HOMER1: variants seen among roughly 807,000 people sequenced by gnomAD.
The protein encoded by HOMER1 is homer scaffold protein 1.
A neutral mutation model predicts 48.9 loss-of-function variants in HOMER1; 3 were observed. That is an observed-to-expected ratio of 0.06 (90% CI 0.03 to 0.16). The LOEUF (loss-of-function observed/expected upper bound fraction) is 0.16. Ranked by LOEUF, HOMER1 falls within the 10% of genes least tolerant of loss-of-function variation. The pLI is 1.00. For synonymous variants in HOMER1, 134 were observed against 146.4 expected (o/e 0.92, Z 0.61); for missense variants, 247 against 411.4 (o/e 0.60, Z 3.46).
intron 8 of HOMER1, among the ~76,000 whole-genome samples, chr5:79,389,717 A>T (rs954032225): frequency 1.3e-5 from 2 of 152,228 alleles, no homozygotes; most frequent in Non-Finnish European, 2.9e-5. Flanking sequence ...TCCAGCTGCC[A>T]GAAGTGTGAG....
At chr5:79,485,670 A>C (rs536853196) in intron 1 of HOMER1, among the ~76,000 whole-genome samples, 1 of 152,326 alleles carries the variant, frequency 6.6e-6, no homozygotes, top group Admixed American at 6.5e-5. Context: ...TACCAAGGAA[A>C]ATGAAGAGCT....
chr5:79,500,637 T>TC (rs1185774849), intron 1 of HOMER1, among the ~76,000 whole-genome samples: 1 of 151,908 alleles, frequency 6.6e-6, no homozygotes, highest in East Asian at 1.9e-4. Flanking sequence ...TTTTATCTTT[T>TC]TTTTTTTCTG....
intron 1 of HOMER1, among the ~76,000 whole-genome samples, chr5:79,463,566 A>C (rs1751375948): frequency 6.6e-6 from 1 of 152,238 alleles, no homozygotes; most frequent in South Asian, 2.1e-4. Flanking sequence ...TAATTGTTTC[A>C]AACAGTTGTC....
chr5:79,512,885 G>A lies in HOMER1; in HGVS notation c.-111C>T. The A allele has an allele frequency of 1.0e-6, 1 of 957,262 alleles. No individual in the cohort carries two copies. The highest frequency in any genetic ancestry group is 1.8e-5 in the Admixed American group (1 of 54,582). 59.3% of individuals were successfully genotyped at this position (957,262 alleles called of 1,614,324 possible). A position where few individuals can be genotyped will look rare whatever the true frequency, so the allele number is the denominator to read the frequency against. Reference sequence around the variant, plus strand: ...AGTTGCTTTTCCACCCCCACCCCCAGATCCTTGTCCGGAGGTATTTCAAGG... The same window carrying A: ...AGTTGCTTTTCCACCCCCACCCCCAAATCCTTGTCCGGAGGTATTTCAAGG... On this transcript the variant is annotated 5_prime_UTR_variant, in exon 1 of 9. Transcript: ENST00000334082.
intron 1 of HOMER1, among the ~76,000 whole-genome samples, chr5:79,495,415 T>C (rs1752393902): frequency 6.6e-6 from 1 of 152,218 alleles, no homozygotes; most frequent in South Asian, 2.1e-4. Flanking sequence ...TATGTGAAGC[T>C]TTCTCTGACC....
intron 1 of HOMER1, among the ~76,000 whole-genome samples, chr5:79,474,415 TTTC>T (rs1751704357): frequency 6.6e-6 from 1 of 152,084 alleles, no homozygotes; most frequent in South Asian, 2.1e-4. Context: ...AGACAGCAAA[TTTC>T]TGATTATCTC....
chr5:79,491,728 G>A (rs1580027492), intron 1 of HOMER1, among the ~76,000 whole-genome samples: 1 of 152,276 alleles, frequency 6.6e-6, no homozygotes, highest in African/African-American at 2.4e-5. Context: ...AAAGTAAAAT[G>A]TAGCAAAAAA....
chr5:79,443,515 T>C (rs983665134), intron 4 of HOMER1, among the ~76,000 whole-genome samples: 11 of 152,168 alleles, frequency 7.2e-5, no homozygotes, highest in African/African-American at 2.7e-4. Context: ...ACATATTGTA[T>C]AAATATACAA....
At chr5:79,477,102 A>G (rs948477556) in intron 1 of HOMER1, among the ~76,000 whole-genome samples, 1 of 152,184 alleles carries the variant, frequency 6.6e-6, no homozygotes, top group Non-Finnish European at 1.5e-5. Context: ...CCCCAACATT[A>G]TAACATTATA....
chr5:79,410,617 C>T (rs1211795636), intron 5 of HOMER1, among the ~76,000 whole-genome samples: 1 of 151,800 alleles, frequency 6.6e-6, no homozygotes, highest in African/African-American at 2.4e-5. Context: ...AATAAATGCT[C>T]CTATTAGAAT....
At chr5:79,383,705 ATTC>A (rs962668411) in intron 8 of HOMER1, among the ~76,000 whole-genome samples, 12 of 152,172 alleles carry the variant, frequency 7.9e-5, no homozygotes, top group Admixed American at 7.2e-4. Context: ...TTATACAACA[ATTC>A]TTCTCATTAC....
chr5:79,476,259 G>A (rs1267153400), intron 1 of HOMER1, among the ~76,000 whole-genome samples: 2 of 152,050 alleles, frequency 1.3e-5, no homozygotes, highest in African/African-American at 4.8e-5. Flanking sequence ...ACGAACTCAA[G>A]CCATGTTTAT....
intron 1 of HOMER1, among the ~76,000 whole-genome samples, chr5:79,493,415 C>T (rs1752340944): frequency 6.6e-6 from 1 of 152,184 alleles, no homozygotes; most frequent in African/African-American, 2.4e-5. Context: ...GCAGATGGCC[C>T]TGCCTTTTAT....
intron 4 of HOMER1, 114 bp downstream of exon 4, chr5:79,446,939 C>A: frequency 1.5e-6 from 1 of 660,806 alleles, no homozygotes; most frequent in Non-Finnish European, 2.6e-6. Flanking sequence ...CAGGTGTGAG[C>A]CACCACACTA....
Position 79,447,161 on chromosome 5 carries a change from C to G in HOMER1, c.295-16G>C. On this transcript the variant is annotated splice_polypyrimidine_tract_variant and intron_variant, in intron 3 of 8. Coordinates refer to ENST00000334082, the MANE Select transcript of HOMER1 (RefSeq NM_004272.5). ...TTTCTGCAAACTGAATGTATAGAGA[C>G]TACATACATTAACCAAATAAAAATA... The G allele has an allele frequency of 6.7e-7, 1 of 1,494,556 alleles. No individual in the cohort carries two copies. The highest frequency in any genetic ancestry group is 9.3e-7 in the Non-Finnish European group (1 of 1,072,846). 92.6% of individuals were successfully genotyped at this position (1,494,556 alleles called of 1,614,324 possible). A position where few individuals can be genotyped will look rare whatever the true frequency, so the allele number is the denominator to read the frequency against.
chr5:79,384,999 T>C (rs760778387), intron 8 of HOMER1, among the ~76,000 whole-genome samples: 43 of 151,968 alleles, frequency 2.8e-4, no homozygotes, highest in Admixed American at 7.2e-4. Flanking sequence ...TTCAAGATAA[T>C]AAAAGCCTAA....
Position 79,464,834 on chromosome 5 carries a change from T to C in HOMER1, c.6-7816A>G, listed in dbSNP as rs538509551. The stretch of plus-strand genomic sequence containing the variant: ...ATACAATGTTCTTTTTTAAAAACCA[T>C]ATACGAACTTTGAAGAATGCAAAGG... On this transcript the variant is annotated intron_variant, in intron 1 of 8. Coordinates refer to ENST00000334082, the MANE Select transcript of HOMER1 (RefSeq NM_004272.5). 3.5e-4 allele frequency among the ~76,000 whole-genome samples: 53 copies of C among 152,268 alleles called. 1 individual carries two copies. Among genetic ancestry groups the C allele is most frequent in the Non-Finnish European group, 8.8e-5 (6 of 68,008 alleles).
rs550926592 is a variant in HOMER1, at chr5:79,458,425, A to C, written c.6-1407T>G. ...TAAATTAATTTTAAAATTATGAAGAATTTTAAAATTTCTAAAATTTTAAAT... is the reference window on the plus strand; with the variant it reads ...TAAATTAATTTTAAAATTATGAAGACTTTTAAAATTTCTAAAATTTTAAAT... On this transcript the variant is annotated intron_variant, in intron 1 of 8. Transcript: ENST00000334082. 3.9e-5 allele frequency among the ~76,000 whole-genome samples: 6 copies of C among 152,138 alleles called. No homozygotes were observed. In the East Asian group the frequency reaches 1.2e-3, roughly 29 times the overall value.
intron 1 of HOMER1, among the ~76,000 whole-genome samples, chr5:79,481,881 C>T (rs1281535841): frequency 6.6e-6 from 1 of 152,188 alleles, no homozygotes; most frequent in Non-Finnish European, 1.5e-5. Context: ...CATACTGTTT[C>T]CAATCAACTT....
Sources: gnomAD v4.1 joint callset for allele counts (sites outside exome capture counted in the v4.1 genomes callset) on GRCh38, gnomAD v4.1.1 for gene constraint, MANE v1.5 for transcripts, NCBI Gene and HGNC (gene_info 2026-07-23, HGNC 2026-07-21) for gene names.